The following PPFIA1 variants were observed in gnomAD, a reference collection of about 807,000 sequenced individuals.
PPFIA1 encodes liprin-alpha-1.
Under a neutral mutation model 149.9 loss-of-function variants are expected in PPFIA1, and 25 were observed. The ratio of observed to expected loss-of-function variants is 0.17; its 90% confidence interval spans 0.12 to 0.23. The LOEUF (loss-of-function observed/expected upper bound fraction) is 0.23, where lower values mean the gene tolerates loss of function less well. PPFIA1 is among the 10% of genes least tolerant of loss of function. The pLI is 1.00. For synonymous variants in PPFIA1, 549 were observed against 552.8 expected, an observed-to-expected ratio of 0.99 and a Z score of 0.10; for missense variants, 1,362 against 1,506.5, an observed-to-expected ratio of 0.90 and a Z score of 1.59.
Position 70,378,138 on chromosome 11 carries a change from C to T in PPFIA1, c.3493C>T (p.Arg1165Trp), listed in dbSNP as rs373954004. The T allele has an allele frequency of 3.4e-5, 55 of 1,614,002 alleles. No homozygotes were observed. The highest frequency in any genetic ancestry group is 3.9e-5 in the Non-Finnish European group (46 of 1,180,022). ...GSAETLPANF[R>W]VTSSMSSPSM... ...AGCAGAGACTCTCCCTGCAAACTTC[C>T]GGGTGACTTCTTCTATGTCTTCCCC... Residue 1165 changes from arginine to tryptophan, a missense_variant, in exon 26 of 28, where the codon CGG becomes TGG. By Grantham distance (101) the Arg-to-Trp change is moderately radical. This residue lies in a region of PPFIA1 where 349 missense variants were observed against 373.3 expected (regional missense o/e 0.93). Coordinates refer to ENST00000253925, the MANE Select transcript of PPFIA1 (RefSeq NM_003626.5).
At chr11:70,343,638 A>G in intron 14 of PPFIA1, 31 bp from the exon 15 acceptor site, 3 of 1,569,504 alleles carry the variant, frequency 1.9e-6, no homozygotes, top group Non-Finnish European at 1.8e-6. Flanking sequence ...TTGTTACTTT[A>G]TCTACTGAGA....
chr11:70,308,506 A>T (rs559164472), intron 2 of PPFIA1, among the ~76,000 whole-genome samples: 1 of 152,374 alleles, frequency 6.6e-6, no homozygotes, highest in South Asian at 2.1e-4. Context: ...CAATGCCAAA[A>T]GTCACATACT....
At chr11:70,360,705 C>T (rs913358549) in intron 19 of PPFIA1, among the ~76,000 whole-genome samples, 3 of 152,224 alleles carry the variant, frequency 2.0e-5, no homozygotes, top group South Asian at 4.1e-4. Context: ...TCGCATCTTG[C>T]GATACCACTT....
intron 15 of PPFIA1, among the ~76,000 whole-genome samples, chr11:70,346,178 G>A (rs1233236905): frequency 2.6e-5 from 4 of 152,222 alleles, no homozygotes; most frequent in Admixed American, 6.5e-5. Flanking sequence ...TTGGCCTAGG[G>A]ACACAGCAGT....
Position 70,301,118 on chromosome 11 carries a change from C to G in PPFIA1, c.265-23284C>G, listed in dbSNP as rs1471069288. Reference sequence around the variant, plus strand: ...GTCCTCTGCGTACCAATTTTCTGATCTTGGCCAAGATAGTTCACCTCTAAG... The same window carrying G: ...GTCCTCTGCGTACCAATTTTCTGATGTTGGCCAAGATAGTTCACCTCTAAG... On this transcript the variant is annotated intron_variant, in intron 2 of 27. Coordinates refer to ENST00000253925, the MANE Select transcript of PPFIA1 (RefSeq NM_003626.5). Among the ~76,000 whole-genome samples the G allele has an allele frequency of 2.0e-5, 3 of 152,344 alleles. No individual in the cohort carries two copies. The East Asian group carries it at 5.8e-4, about 29-fold the overall frequency.
intron 16 of PPFIA1, among the ~76,000 whole-genome samples, chr11:70,349,079 G>C (rs939824325): frequency 2.7e-5 from 4 of 148,352 alleles, no homozygotes; most frequent in Non-Finnish European, 1.5e-5. Context: ...CACAAAGTGG[G>C]TCAGTGCATT....
At chr11:70,285,522 A>G (rs2051050906) in intron 2 of PPFIA1, among the ~76,000 whole-genome samples, 1 of 151,908 alleles carries the variant, frequency 6.6e-6, no homozygotes, top group Admixed American at 6.6e-5. Flanking sequence ...TCTACTAAAA[A>G]TACAAAAATT....
chr11:70,379,075 G>A lies in PPFIA1; in HGVS notation c.3550+880G>A, dbSNP rs183869440. On this transcript the variant is annotated intron_variant, in intron 26 of 27. Transcript: ENST00000253925. ...AGTGTCTTCCTCATAGAGTAGTTGC[G>A]ATGATTGAATGCCTCATTCATTAAG... Among the ~76,000 whole-genome samples, 729 of 152,276 alleles carry A rather than the reference G, an allele frequency of 4.8e-3. 3 individuals carry two copies. Among genetic ancestry groups the A allele is most frequent in the South Asian group, 0.01 (49 of 4,830 alleles).
chr11:70,335,146 A>G (rs2054893851), intron 10 of PPFIA1, among the ~76,000 whole-genome samples: 1 of 152,178 alleles, frequency 6.6e-6, no homozygotes, highest in South Asian at 2.1e-4. Context: ...AAACTTTTTA[A>G]CTTTTTTGCT....
intron 26 of PPFIA1, chr11:70,378,551 G>T: frequency 1.3e-6 from 1 of 748,306 alleles, no homozygotes; most frequent in Non-Finnish European, 1.6e-6. Flanking sequence ...TGTAGTAGTA[G>T]CTTCCAAACC....
At chr11:70,326,123 G>T in intron 5 of PPFIA1, 139 bp from the exon 6 acceptor site, 2 of 571,916 alleles carry the variant, frequency 3.5e-6, no homozygotes, top group Non-Finnish European at 3.1e-6. Context: ...TTTCGGATTG[G>T]GTAGCATTGC....
At chr11:70,309,262 C>T (rs964211582) in intron 2 of PPFIA1, among the ~76,000 whole-genome samples, 22 of 152,052 alleles carry the variant, frequency 1.4e-4, no homozygotes, top group African/African-American at 4.3e-4. Context: ...CTCCGCCTCT[C>T]GGGTTCAAGC....
intron 16 of PPFIA1, among the ~76,000 whole-genome samples, chr11:70,353,976 G>C (rs2056215556): frequency 6.6e-6 from 1 of 152,182 alleles, no homozygotes; most frequent in African/African-American, 2.4e-5. Flanking sequence ...GATCTCTGCT[G>C]CCCCTTCAGA....
At chr11:70,315,040 G>C (rs2053516270) in intron 2 of PPFIA1, among the ~76,000 whole-genome samples, 1 of 152,164 alleles carries the variant, frequency 6.6e-6, no homozygotes, top group Non-Finnish European at 1.5e-5. Flanking sequence ...ACTATCACGA[G>C]AACGGCATGG....
chr11:70,278,826 C>A, intron 2 of PPFIA1: 1 of 364,992 alleles, frequency 2.7e-6, no homozygotes, highest in Non-Finnish European at 5.4e-6. Flanking sequence ...GTGTTTTTCA[C>A]AGAGATATAG....
chr11:70,369,170 C>A (rs1349850985), intron 21 of PPFIA1, among the ~76,000 whole-genome samples: 1 of 152,162 alleles, frequency 6.6e-6, no homozygotes, highest in Non-Finnish European at 1.5e-5. Flanking sequence ...ACTTTTCTTA[C>A]ATTTCCGGAA....
chr11:70,380,735 CAAA>C (rs113647001), intron 26 of PPFIA1, among the ~76,000 whole-genome samples: 1 of 104,222 alleles, frequency 9.6e-6, no homozygotes, highest in Non-Finnish European at 2.2e-5. Flanking sequence ...AACTCTGTCT[CAAA>C]AAAAAAAAAA....
intron 21 of PPFIA1, chr11:70,364,392 G>A (rs2056813443): frequency 6.6e-6 from 1 of 152,216 alleles, no homozygotes; most frequent in Non-Finnish European, 1.5e-5. Context: ...GCCAACTCCA[G>A]ATTTATAAAG....
rs2056322582 is a variant in PPFIA1 at position 70,355,647 on chromosome 11, G to C, written c.2324G>C (p.Gly775Ala). The C allele has an allele frequency of 1.9e-6, 3 of 1,600,574 alleles. No homozygotes were observed. The highest frequency in any genetic ancestry group is 2.6e-6 in the Non-Finnish European group (3 of 1,176,330). ...EDIRDIRNSTGSQDGPVSNPS... is the reference protein window; with the variant it reads ...EDIRDIRNSTASQDGPVSNPS... ...GTTTTCTTTCCTCGAAGCTCCACAGGCTCCCAGGATGGTCCCGTGAGCAAC... is the reference window on the plus strand; with the variant it reads ...GTTTTCTTTCCTCGAAGCTCCACAGCCTCCCAGGATGGTCCCGTGAGCAAC... Residue 775 changes from glycine to alanine, a missense_variant, in exon 18 of 28, where the codon GGC becomes GCC. Gly to Ala is a moderately conservative substitution (Grantham distance 60). Transcript: ENST00000253925.
Sources: allele counts gnomAD v4.1 joint callset (sites outside exome capture counted in the v4.1 genomes callset), GRCh38; gene constraint gnomAD v4.1.1; regional missense constraint gnomAD v4.1.1; transcripts MANE v1.5; gene names NCBI Gene and HGNC (gene_info 2026-07-23, HGNC 2026-07-21).